The following ETFA variants were observed in gnomAD, a reference collection of about 807,000 sequenced individuals.
The protein encoded by ETFA is electron transfer flavoprotein subunit alpha, mitochondrial.
In ETFA, 22 loss-of-function variants were observed where a neutral mutation model predicts 46.2. The observed-to-expected ratio is 0.48, with a 90% CI of 0.34 to 0.68. ETFA has a LOEUF of 0.68. Among genes scored for constraint, ETFA ranks in the 30% least tolerant of loss-of-function variants. The probability of loss-of-function intolerance (pLI) is 0.01; values close to 1 mark genes in which losing one functional copy is unlikely to be tolerated. For missense variants in ETFA, 345 were observed against 401.1 expected, an observed-to-expected ratio of 0.86 and a Z score of 1.19; for synonymous variants, 131 against 139.9, an observed-to-expected ratio of 0.94 and a Z score of 0.45.
At chr15:76,271,242 A>G (rs2039528126) in intron 9 of ETFA, among the ~76,000 whole-genome samples, 1 of 152,188 alleles carries the variant, frequency 6.6e-6, no homozygotes, top group African/African-American at 2.4e-5. Flanking sequence ...TCCATATAAA[A>G]TATGTATTAC....
intron 9 of ETFA, among the ~76,000 whole-genome samples, chr15:76,265,487 G>C (rs2039461883): frequency 6.6e-6 from 1 of 152,180 alleles, no homozygotes. Context: ...ACTATTCAGA[G>C]AAAGGATTTT....
intron 9 of ETFA, chr15:76,259,227 T>C (rs2039376512): frequency 6.4e-7 from 1 of 1,552,486 alleles, no homozygotes; most frequent in Admixed American, 1.7e-5. Context: ...AGTGGGCTCC[T>C]TGGCTCTCTC....
chr15:76,250,998 A>C (rs1034746323), intron 9 of ETFA, among the ~76,000 whole-genome samples: 1 of 151,510 alleles, frequency 6.6e-6, no homozygotes, highest in African/African-American at 2.4e-5. Flanking sequence ...TATTTTCATA[A>C]ATTTATATAT....
At chr15:76,283,873 T>C in intron 7 of ETFA, 48 bp from the exon 8 acceptor site, 1 of 1,369,910 alleles carries the variant, frequency 7.3e-7, no homozygotes, top group Middle Eastern at 1.8e-4. Flanking sequence ...ATCAAATACA[T>C]TCTGGAACAA....
chr15:76,310,236 G>A (rs200680902), intron 1 of ETFA, among the ~76,000 whole-genome samples: 1 of 151,430 alleles, frequency 6.6e-6, no homozygotes, highest in East Asian at 1.9e-4. Flanking sequence ...GGGAAACAGA[G>A]CCAGACCTTG....
chr15:76,276,000 GATCA>G (rs1387041994), intron 8 of ETFA, among the ~76,000 whole-genome samples: 1 of 152,208 alleles, frequency 6.6e-6, no homozygotes, highest in East Asian at 1.9e-4. Context: ...TTACCTATTA[GATCA>G]ATTAAGAAAA....
chr15:76,281,897 C>CTTTTTTTTT (rs34309169), intron 8 of ETFA, among the ~76,000 whole-genome samples: 1 of 78,094 alleles, frequency 1.3e-5, no homozygotes, highest in Non-Finnish European at 2.3e-5. Context: ...TACACGTATC[C>CTTTTTTTTT]TTTTTTTTTT....
intron 9 of ETFA, among the ~76,000 whole-genome samples, chr15:76,233,713 A>G (rs541806971): frequency 6.6e-5 from 10 of 152,334 alleles, no homozygotes; most frequent in African/African-American, 2.4e-4. Context: ...GTTAATCAAA[A>G]TATACTAACA....
At chr15:76,277,703 A>C (rs1159117962) in intron 8 of ETFA, among the ~76,000 whole-genome samples, 1 of 152,130 alleles carries the variant, frequency 6.6e-6, no homozygotes, top group Non-Finnish European at 1.5e-5. Flanking sequence ...GGGTTTCGCC[A>C]AGTTGGCCAG....
intron 3 of ETFA, 32 bp from the exon 4 acceptor site, chr15:76,292,545 T>C (rs778582933): frequency 1.0e-5 from 16 of 1,598,808 alleles, no homozygotes; most frequent in African/African-American, 1.3e-5. Flanking sequence ...TAAAAAAATA[T>C]TTTGAAATAC....
chr15:76,293,940 G>C (rs752738441), intron 2 of ETFA, among the ~76,000 whole-genome samples: 43 of 152,184 alleles, frequency 2.8e-4, no homozygotes, highest in Non-Finnish European at 4.7e-4. Flanking sequence ...AGCAGCATGG[G>C]ATAGAAAATG....
chr15:76,261,247 G>A (rs62030246), intron 9 of ETFA: 362,021 of 1,498,354 alleles, frequency 0.24, 39,947 homozygotes, highest in East Asian at 0.56. Context: ...TTGGAAAGGG[G>A]CATTGGGTGG....
At chr15:76,295,785 G>GT in intron 1 of ETFA, 48 bp from the exon 2 acceptor site, 13 of 1,423,432 alleles carry the variant, frequency 9.1e-6, no homozygotes, top group East Asian at 2.4e-5. Context: ...GTTGTCACAG[G>GT]GTTTTTTTTT....
chr15:76,303,608 A>C (rs541442635), intron 1 of ETFA, among the ~76,000 whole-genome samples: 1 of 152,372 alleles, frequency 6.6e-6, no homozygotes, highest in Admixed American at 6.5e-5. Flanking sequence ...AAGGAACTTA[A>C]ATCAACAAGC....
chr15:76,288,073 G>A (rs2039719131), intron 4 of ETFA, 128 bp from the exon 5 acceptor site: 6 of 695,334 alleles, frequency 8.6e-6, no homozygotes, highest in African/African-American at 1.8e-5. Flanking sequence ...TATTTCGTGT[G>A]CACCTTTGGA....
intron 5 of ETFA, among the ~76,000 whole-genome samples, chr15:76,287,414 C>A (rs988642657): frequency 6.6e-6 from 1 of 152,176 alleles, no homozygotes; most frequent in African/African-American, 2.4e-5. Context: ...GTAATCCTCC[C>A]ACCTCAGCCT....
intron 4 of ETFA, among the ~76,000 whole-genome samples, chr15:76,289,040 C>T (rs913126725): frequency 3.3e-5 from 5 of 151,682 alleles, no homozygotes; most frequent in African/African-American, 9.7e-5. Flanking sequence ...CTGCCTTGGC[C>T]TCCTGAGTAG....
At chr15:76,283,320 T>C (rs890785361) in intron 8 of ETFA, among the ~76,000 whole-genome samples, 1 of 152,112 alleles carries the variant, frequency 6.6e-6, no homozygotes, top group Non-Finnish European at 1.5e-5. Context: ...GCCTCCTGAG[T>C]ACCTGGGACT....
chr15:76,259,453 G>A, intron 9 of ETFA: 1 of 976,338 alleles, frequency 1.0e-6, no homozygotes, highest in Non-Finnish European at 1.7e-6. Context: ...ATACACTCTG[G>A]AAGCTGTTTC....
Sources: allele counts gnomAD v4.1 joint callset (sites outside exome capture counted in the v4.1 genomes callset), GRCh38; gene constraint gnomAD v4.1.1; transcripts MANE v1.5; gene names NCBI Gene and HGNC (gene_info 2026-07-23, HGNC 2026-07-21).